SP2: variants seen among roughly 807,000 people sequenced by gnomAD.
SP2 encodes the protein Sp2 transcription factor, also known as transcription factor Sp2.
A neutral mutation model predicts 50.1 loss-of-function variants in SP2; 9 were observed. The ratio of observed to expected loss-of-function variants is 0.18; its 90% CI spans 0.11 to 0.31. The LOEUF (loss-of-function observed/expected upper bound fraction) is 0.31. Among genes scored for constraint, SP2 ranks in the 10% least tolerant of loss-of-function variants. The pLI is 1.00. For synonymous variants in SP2, 313 were observed against 326.6 expected (o/e 0.96, Z 0.45); for missense variants, 581 against 806.5 (o/e 0.72, Z 3.39).
chr17:47,908,248 A>G (rs1015143081), intron 1 of SP2, among the ~76,000 whole-genome samples: 1 of 152,208 alleles, frequency 6.6e-6, no homozygotes, highest in African/African-American at 2.4e-5. Flanking sequence ...GTCCAGGGTA[A>G]TAAGGACTGC....
At chr17:47,911,166 C>T (rs915076314) in intron 1 of SP2, among the ~76,000 whole-genome samples, 21 of 152,018 alleles carry the variant, frequency 1.4e-4, no homozygotes, top group African/African-American at 4.6e-4. Flanking sequence ...GCAGAGGTTG[C>T]GGTGAGCCGA....
rs1467634272 is a variant in SP2, at chr17:47,916,911, A to G, written c.840A>G (p.Ala280=). The G allele has an allele frequency of 2.5e-6, 4 of 1,614,084 alleles. No individual in the cohort carries two copies. The highest frequency in any genetic ancestry group is 1.7e-5 in the Admixed American group (1 of 60,008). ...CCACCGCGGACAACATCATCCAGGCAGGAAATAACCTGCTCATTGTTCAGA... is the reference window on the plus strand; with the variant it reads ...CCACCGCGGACAACATCATCCAGGCGGGAAATAACCTGCTCATTGTTCAGA... ...IETTADNIIQ[A]GNNLLIVQSP... Residue 280 remains alanine, a synonymous_variant, in exon 3 of 7, where the codon GCA becomes GCG. Coordinates refer to ENST00000376741, the MANE Select transcript of SP2 (RefSeq NM_003110.6). This position sits in a 1 kb window ranked among gnomAD's most constrained non-coding sequence, Gnocchi z 4.7.
downstream of SP2, among the ~76,000 whole-genome samples, chr17:47,931,627 A>G (rs1470849044): frequency 1.3e-5 from 2 of 152,180 alleles, no homozygotes; most frequent in East Asian, 3.8e-4. Context: ...GTTGCCCCTT[A>G]AAGTTGCCAC....
rs751397820 is a variant in SP2 at position 47,916,843 on chromosome 17, C to G, written c.772C>G (p.Pro258Ala). ...RKKSLPASQP[P>A]VAVAEQVETV... ...GAAGAGCCTTCCTGCCTCCCAGCCC[C>G]CTGTGGCTGTGGCTGAGCAGGTGGA... is the stretch of plus-strand genomic sequence containing the variant. The change falls in exon 3 of 7, where the codon CCT (proline) becomes GCT (alanine). Residue 258 changes from proline (P) to alanine (A), a missense_variant. Pro to Ala is a conservative substitution (Grantham distance 27, BLOSUM62 -1). Coordinates refer to ENST00000376741, the MANE Select transcript of SP2 (RefSeq NM_003110.6). The surrounding 1 kb of genome is among the most constrained non-coding windows in gnomAD (Gnocchi z 4.7). 1.9e-5 allele frequency: 30 copies of G among 1,614,200 alleles called. No homozygotes were observed. The highest frequency in any genetic ancestry group is 2.4e-5 in the Non-Finnish European group (28 of 1,180,024).
chr17:47,897,930 A>C (rs1157738099), intron 1 of SP2: 1 of 941,192 alleles, frequency 1.1e-6, no homozygotes, highest in African/African-American at 1.8e-5. Flanking sequence ...GACGATTGGT[A>C]AGTTTTCTAA....
Position 47,915,302 on chromosome 17 carries a change from C to A in SP2, c.8-10C>A. 26 of 1,603,798 alleles carry A rather than the reference C, an allele frequency of 1.6e-5. No individual in the cohort carries two copies. The highest frequency in any genetic ancestry group is 2.2e-5 in the Non-Finnish European group (26 of 1,173,442). On this transcript the variant is annotated splice_polypyrimidine_tract_variant and intron_variant, in intron 1 of 6. Transcript: ENST00000376741. The stretch of plus-strand genomic sequence containing the variant: ...TTTTATACATTACTCCATCTCTTTT[C>A]TTCCAACAGATCCACAGACCAGCAT...
At chr17:47,901,491 G>T (rs933839990) in intron 1 of SP2, among the ~76,000 whole-genome samples, 1 of 151,986 alleles carries the variant, frequency 6.6e-6, no homozygotes, top group Non-Finnish European at 1.5e-5. Flanking sequence ...ACAGAGTCTC[G>T]CTCTGTCACC....
Position 47,916,318 on chromosome 17 carries a change from A to T in SP2, c.247A>T (p.Ser83Cys). 1 of 1,614,072 alleles carries T rather than the reference A, an allele frequency of 6.2e-7. No individual in the cohort carries two copies. Among genetic ancestry groups the T allele is most frequent in the East Asian group, 2.2e-5 (1 of 44,868 alleles). Residue 83 changes from serine to cysteine, a missense_variant, in exon 3 of 7, where the codon AGC becomes TGC. By Grantham distance (112) the Ser-to-Cys change is moderately radical (BLOSUM62 -1). Around this residue, in one of 2 missense-constraint regions of SP2, gnomAD observed 397 missense variants for 491.0 expected, o/e 0.81. Transcript: ENST00000376741. The surrounding 1 kb of genome is among the most constrained non-coding windows in gnomAD (Gnocchi z 4.7). ...TCTCCCTCTCAGCCCCGGCAAGAAT[A>T]GCTTTGGAATCTTGTCCTCCAAAGG... ...APLPLSPGKN[S>C]FGILSSKGNI... is the part of the protein sequence containing the mutation.
At chr17:47,920,807 A>C (rs1409729619) in intron 3 of SP2, among the ~76,000 whole-genome samples, 2 of 152,190 alleles carry the variant, frequency 1.3e-5, no homozygotes. Flanking sequence ...CATACTATGA[A>C]ACTTACCCTT....
chr17:47,900,536 G>A (rs2034497597), intron 1 of SP2, among the ~76,000 whole-genome samples: 1 of 152,232 alleles, frequency 6.6e-6, no homozygotes, highest in African/African-American at 2.4e-5. Context: ...CAGCACTTTG[G>A]GAGGCTGAGG....
chr17:47,911,832 AAC>A (rs1294892580), intron 1 of SP2, among the ~76,000 whole-genome samples: 1 of 152,030 alleles, frequency 6.6e-6, no homozygotes, highest in Non-Finnish European at 1.5e-5. Flanking sequence ...TCACAGTGAA[AAC>A]ACACAAGAAA....
intron 1 of SP2, among the ~76,000 whole-genome samples, chr17:47,911,148 C>A (rs988018338): frequency 1.3e-5 from 2 of 152,040 alleles, no homozygotes; most frequent in Non-Finnish European, 2.9e-5. Flanking sequence ...ATCACATGAG[C>A]CCAGGAGGCA....
intron 1 of SP2, among the ~76,000 whole-genome samples, chr17:47,913,112 C>A (rs1001457197): frequency 3.9e-5 from 6 of 152,142 alleles, no homozygotes; most frequent in African/African-American, 1.4e-4. Context: ...CTGCCTGCCT[C>A]AGCCTCCCAA....
At chr17:47,917,952 C>G (rs952625384) in intron 3 of SP2, 2 of 237,982 alleles carry the variant, frequency 8.4e-6, no homozygotes, top group African/African-American at 4.7e-5. Context: ...GATGGATAAC[C>G]CAGAACTCAG....
chr17:47,912,442 CTT>C (rs536634603), intron 1 of SP2, among the ~76,000 whole-genome samples: 18 of 140,090 alleles, frequency 1.3e-4, no homozygotes, highest in Admixed American at 1.4e-4. Flanking sequence ...TCCACTTCAC[CTT>C]TTTTTTTTTT....
At chr17:47,922,456 A>T (rs1430323935) in intron 3 of SP2, among the ~76,000 whole-genome samples, 1 of 151,374 alleles carries the variant, frequency 6.6e-6, no homozygotes, top group Non-Finnish European at 1.5e-5. Flanking sequence ...GTCAATCTGA[A>T]TTGGAGAAAA....
intron 6 of SP2, among the ~76,000 whole-genome samples, 176 bp from the exon 7 acceptor site, chr17:47,927,548 A>C (rs1197132818): frequency 1.3e-5 from 2 of 151,774 alleles, no homozygotes; most frequent in Non-Finnish European, 2.9e-5. Flanking sequence ...AAAAAAAAAA[A>C]AAAAGATATA....
At position 47,916,793 on chromosome 17, in the gene SP2, C is replaced by T. The variant is rs759718476; in HGVS notation, c.722C>T (p.Ser241Phe). ...LLTESPPTPLSKTNKKARKKS... is the reference protein window; with the variant it reads ...LLTESPPTPLFKTNKKARKKS... ...ACTGAAAGCCCCCCAACCCCGCTGT[C>T]TAAGACTAACAAGAAAGCAAGGAAG... The change falls in exon 3 of 7, where the codon TCT becomes TTT. Residue 241 changes from serine (S) to phenylalanine (F), a missense_variant. By Grantham distance (155) the Ser-to-Phe change is radical. Transcript: ENST00000376741. This position sits in a 1 kb window ranked among gnomAD's most constrained non-coding sequence, Gnocchi z 4.7. 9.9e-6 allele frequency: 16 copies of T among 1,614,126 alleles called. No homozygotes were observed. The Admixed American group carries it at 2.5e-4, about 25-fold the overall frequency.
chr17:47,921,553 G>T (rs1284682789), intron 3 of SP2, among the ~76,000 whole-genome samples: 1 of 152,204 alleles, frequency 6.6e-6, no homozygotes, highest in Non-Finnish European at 1.5e-5. Flanking sequence ...CACCCAGCCA[G>T]ATTCCTGTTT....
Sources: gnomAD v4.1 joint callset for allele counts (sites outside exome capture counted in the v4.1 genomes callset) on GRCh38, gnomAD v4.1.1 for gene constraint, gnomAD v4.1.1 regional missense constraint, Gnocchi (gnomAD v3.1) non-coding constraint, MANE v1.5 for transcripts, NCBI Gene and HGNC (gene_info 2026-07-23, HGNC 2026-07-21) for gene names.